MTFR1: variants seen among roughly 807,000 people sequenced by gnomAD.
MTFR1 encodes the protein mitochondrial fission regulator 1.
MTFR1 carries 28 observed loss-of-function variants against 38.8 expected under a neutral mutation model. The ratio of observed to expected loss-of-function variants is 0.72; its 90% CI spans 0.53 to 0.99. MTFR1 has a LOEUF of 0.99. Among genes scored for constraint, MTFR1 ranks in the 50% least tolerant of loss-of-function variants. The probability of loss-of-function intolerance (pLI) is 0.00; values close to 1 mark genes in which losing one functional copy is unlikely to be tolerated. For missense variants in MTFR1, 358 were observed against 395.5 expected (o/e 0.91, Z 0.81); for synonymous variants, 145 against 137.0 (o/e 1.06, Z -0.41).
chr8:65,676,895 A>T (rs1281630876), intron 2 of MTFR1, among the ~76,000 whole-genome samples: 2 of 152,126 alleles, frequency 1.3e-5, no homozygotes, highest in South Asian at 2.1e-4. Flanking sequence ...TCCTGTTGTC[A>T]TCCTCCTCCT....
intron 3 of MTFR1, among the ~76,000 whole-genome samples, chr8:65,742,411 C>T (rs539922771): frequency 6.6e-6 from 1 of 152,288 alleles, no homozygotes; most frequent in South Asian, 2.1e-4. Flanking sequence ...CAAATGCATC[C>T]TACCAGACAA....
chr8:65,675,781 A>G (rs1388989032), intron 2 of MTFR1, among the ~76,000 whole-genome samples: 2 of 152,212 alleles, frequency 1.3e-5, no homozygotes, highest in Non-Finnish European at 2.9e-5. Flanking sequence ...AGCCAGGCCT[A>G]TATGCTATAA....
intron 2 of MTFR1, chr8:65,717,480 C>T (rs539777025): frequency 1.9e-4 from 29 of 152,172 alleles, no homozygotes; most frequent in Admixed American, 3.9e-4. Context: ...CTGACCTCTC[C>T]CCTGTGTTAG....
the MTFR1 span, among the ~76,000 whole-genome samples, chr8:65,776,584 A>G: frequency 6.6e-6 from 1 of 152,184 alleles, no homozygotes; most frequent in African/African-American, 2.4e-5. Context: ...TTTTCTATGT[A>G]ATCACTTACA....
chr8:65,755,904 T>C (rs1275291972), intron 3 of MTFR1, among the ~76,000 whole-genome samples: 1 of 152,236 alleles, frequency 6.6e-6, no homozygotes, highest in Non-Finnish European at 1.5e-5. Context: ...ATTACAGGCA[T>C]GTGCCACTGT....
intron 1 of MTFR1, among the ~76,000 whole-genome samples, chr8:65,655,951 A>AAATATATATATATATGTATAT (rs1554545336): frequency 1.8e-5 from 1 of 55,380 alleles, no homozygotes; most frequent in East Asian, 3.0e-4. Context: ...TAAAAAAAAA[A>AAATATATATATATATGTATAT]ATATATATAT....
chr8:65,720,153 A>G (rs1806314308), intron 3 of MTFR1, among the ~76,000 whole-genome samples: 1 of 152,226 alleles, frequency 6.6e-6, no homozygotes, highest in South Asian at 2.1e-4. Flanking sequence ...ATTCAGTCAG[A>G]AAAGGAAAAT....
chr8:65,758,625 A>T (rs1808347820), intron 3 of MTFR1, among the ~76,000 whole-genome samples: 1 of 152,178 alleles, frequency 6.6e-6, no homozygotes, highest in African/African-American at 2.4e-5. Flanking sequence ...TCTGTTATGG[A>T]CAGTGTTTCA....
At chr8:65,757,288 A>G (rs541502340) in intron 3 of MTFR1, among the ~76,000 whole-genome samples, 1 of 152,362 alleles carries the variant, frequency 6.6e-6, no homozygotes, top group South Asian at 2.1e-4. Flanking sequence ...CATTACAACA[A>G]AAGACTGTAA....
downstream of MTFR1, among the ~76,000 whole-genome samples, chr8:65,711,897 C>T (rs1003157254): frequency 2.0e-5 from 3 of 152,168 alleles, no homozygotes; most frequent in African/African-American, 7.2e-5. Context: ...CAGAGTAGAA[C>T]ACAAGTGTCC....
At chr8:65,742,122 TTTAAAA>T (rs1807465623) in intron 3 of MTFR1, among the ~76,000 whole-genome samples, 2 of 152,228 alleles carry the variant, frequency 1.3e-5, no homozygotes, top group Admixed American at 1.3e-4. Context: ...AGAAGAACTT[TTTAAAA>T]AATGGAAATG....
chr8:65,765,498 A>G (rs1219469508), intron 3 of MTFR1: 3 of 144,166 alleles, frequency 2.1e-5, no homozygotes, highest in African/African-American at 7.9e-5. Context: ...CAAAAAAAAA[A>G]AAAAAAAAAA....
At chr8:65,736,139 A>AT (rs1563477706) in intron 3 of MTFR1, among the ~76,000 whole-genome samples, 1 of 152,238 alleles carries the variant, frequency 6.6e-6, no homozygotes, top group Non-Finnish European at 1.5e-5. Flanking sequence ...TAGAACGATT[A>AT]TAACAATAAG....
At chr8:65,661,730 G>A (rs1261611142) in intron 1 of MTFR1, among the ~76,000 whole-genome samples, 1 of 151,976 alleles carries the variant, frequency 6.6e-6, no homozygotes, top group Non-Finnish European at 1.5e-5. Flanking sequence ...TTGGGAAGCC[G>A]AGGCGGGAGG....
intron 3 of MTFR1, among the ~76,000 whole-genome samples, chr8:65,692,702 A>C (rs918705559): frequency 4.6e-5 from 7 of 151,766 alleles, no homozygotes; most frequent in Non-Finnish European, 8.8e-5. Context: ...GTTTAGGTAG[A>C]GAATTCTGTT....
chr8:65,744,502 C>G (rs1807584168), intron 3 of MTFR1, among the ~76,000 whole-genome samples: 1 of 152,110 alleles, frequency 6.6e-6, no homozygotes, highest in Non-Finnish European at 1.5e-5. Context: ...CCCCTCCATC[C>G]AGAACCAAAC....
At chr8:65,739,585 A>C in intron 3 of MTFR1, 1 of 1,532,356 alleles carries the variant, frequency 6.5e-7, no homozygotes, top group Non-Finnish European at 8.7e-7. Context: ...GGTTAAGCTT[A>C]CTAGACTATT....
At chr8:65,683,716 T>C (rs1435035094) in intron 3 of MTFR1, among the ~76,000 whole-genome samples, 1 of 152,052 alleles carries the variant, frequency 6.6e-6, no homozygotes, top group African/African-American at 2.4e-5. Context: ...AATCTGTTTC[T>C]TTTTCTTTTT....
intron 3 of MTFR1, among the ~76,000 whole-genome samples, chr8:65,733,007 T>G (rs1806963787): frequency 6.6e-6 from 1 of 152,070 alleles, no homozygotes; most frequent in Non-Finnish European, 1.5e-5. Flanking sequence ...CCGTGCCCAG[T>G]CCTGGGTGAC....
Sources: allele counts gnomAD v4.1 joint callset (sites outside exome capture counted in the v4.1 genomes callset), GRCh38; gene constraint gnomAD v4.1.1; transcripts MANE v1.5; gene names NCBI Gene and HGNC (gene_info 2026-07-23, HGNC 2026-07-21).